ME1: variants seen among roughly 807,000 people sequenced by gnomAD.
ME1 encodes the protein malic enzyme 1.
Under a neutral mutation model 66.4 loss-of-function variants are expected in ME1, and 74 were observed. The observed-to-expected ratio is 1.11, with a 90% CI of 0.92 to 1.35. ME1 has a LOEUF of 1.35. Among genes scored for constraint, ME1 ranks in the 40% most tolerant of loss-of-function variants. ME1 has a pLI of 0.00. For missense variants in ME1, 750 were observed against 694.1 expected (o/e 1.08, Z -0.90); for synonymous variants, 251 against 235.6 (o/e 1.07, Z -0.60).
chr6:83,361,540 T>C (rs996717433), intron 3 of ME1, among the ~76,000 whole-genome samples: 8 of 152,230 alleles, frequency 5.3e-5, no homozygotes, highest in Non-Finnish European at 1.5e-5. Flanking sequence ...CCAATGGTGC[T>C]TGAAGTGTCA....
chr6:83,359,495 T>C (rs577228442), intron 3 of ME1, among the ~76,000 whole-genome samples: 6 of 152,286 alleles, frequency 3.9e-5, no homozygotes, highest in African/African-American at 1.4e-4. Context: ...TTGGGGCCAC[T>C]AAATAGGAAC....
chr6:83,276,052 C>G (rs1261296827), intron 6 of ME1, among the ~76,000 whole-genome samples: 1 of 151,688 alleles, frequency 6.6e-6, no homozygotes, highest in Non-Finnish European at 1.5e-5. Flanking sequence ...TTATAGGTGT[C>G]AGCCACCGCG....
At chr6:83,414,577 T>C (rs1227811993) in intron 1 of ME1, among the ~76,000 whole-genome samples, 1 of 152,140 alleles carries the variant, frequency 6.6e-6, no homozygotes, top group Non-Finnish European at 1.5e-5. Context: ...AGTGTAACAA[T>C]TTTGTGATTT....
chr6:83,317,906 A>G (rs1309965146), intron 5 of ME1, among the ~76,000 whole-genome samples: 13 of 152,094 alleles, frequency 8.5e-5, no homozygotes, highest in Non-Finnish European at 1.6e-4. Context: ...AAACTATACT[A>G]CAAGGCTACA....
At chr6:83,417,979 C>G (rs944308678) in intron 1 of ME1, among the ~76,000 whole-genome samples, 3 of 152,100 alleles carry the variant, frequency 2.0e-5, no homozygotes. Context: ...AACTTTTGTG[C>G]CTTTGGCACA....
chr6:83,235,105 T>A (rs1249193957), intron 9 of ME1, among the ~76,000 whole-genome samples: 1 of 152,216 alleles, frequency 6.6e-6, no homozygotes, highest in Non-Finnish European at 1.5e-5. Flanking sequence ...AGACCCTAGA[T>A]AAACTCCTAA....
chr6:83,315,312 G>A lies in ME1; in HGVS notation c.702C>T (p.Ser234=). ...FLDEFMEAVS[S]KYGMNCLIQF... is the part of the protein sequence containing the mutation. ...ATAGGTTAAATAAAGATACATACTT[G>A]GAAGAAACTGCCTCCATGAATTCGT... Residue 234 remains serine, a splice_region_variant and synonymous_variant, in exon 6 of 14, where the codon TCC becomes TCT. Coordinates refer to ENST00000369705, the MANE Select transcript of ME1 (RefSeq NM_002395.6). 2.5e-6 allele frequency: 4 copies of A among 1,579,256 alleles called. No homozygotes were observed. The highest frequency in any genetic ancestry group is 3.5e-6 in the Non-Finnish European group (4 of 1,151,320).
chr6:83,420,356 C>T (rs1770241111), intron 1 of ME1, among the ~76,000 whole-genome samples: 1 of 152,210 alleles, frequency 6.6e-6, no homozygotes, highest in Non-Finnish European at 1.5e-5. Flanking sequence ...GCATAAGCCA[C>T]TGCGCCCAGT....
At chr6:83,326,638 A>T (rs1768297608) in intron 5 of ME1, among the ~76,000 whole-genome samples, 1 of 152,228 alleles carries the variant, frequency 6.6e-6, no homozygotes, top group African/African-American at 2.4e-5. Context: ...AAAAAAGCTC[A>T]TCATCACTGG....
At chr6:83,240,318 T>C (rs1790488698) in intron 7 of ME1, among the ~76,000 whole-genome samples, 1 of 152,090 alleles carries the variant, frequency 6.6e-6, no homozygotes, top group Non-Finnish European at 1.5e-5. Context: ...AAAATCTAAT[T>C]ATATTGTATC....
intron 1 of ME1, among the ~76,000 whole-genome samples, chr6:83,411,313 G>A (rs1279730383): frequency 6.6e-6 from 1 of 151,750 alleles, no homozygotes; most frequent in East Asian, 1.9e-4. Context: ...GCAGTGAGCC[G>A]AGATTGCGCC....
chr6:83,322,497 T>C (rs1464749955), intron 5 of ME1, among the ~76,000 whole-genome samples: 1 of 151,896 alleles, frequency 6.6e-6, no homozygotes, highest in African/African-American at 2.4e-5. Context: ...GCACAAGAAC[T>C]TCATGAAGCA....
chr6:83,396,521 A>AATAT (rs1387895869), intron 3 of ME1, among the ~76,000 whole-genome samples: 1 of 152,204 alleles, frequency 6.6e-6, no homozygotes, highest in Non-Finnish European at 1.5e-5. Flanking sequence ...TGGAAGAATT[A>AATAT]ATATTGTTAA....
chr6:83,392,978 T>A (rs919840477), intron 3 of ME1: 4 of 866,488 alleles, frequency 4.6e-6, no homozygotes, highest in African/African-American at 1.6e-5. Context: ...ATGGCTCCTA[T>A]GGGAAACTGT....
chr6:83,273,435 T>C (rs529388472), intron 6 of ME1, among the ~76,000 whole-genome samples: 75 of 152,256 alleles, frequency 4.9e-4, no homozygotes, highest in African/African-American at 1.7e-3. Flanking sequence ...TTAAAAACTT[T>C]TAAATAAAGT....
chr6:83,240,099 CCTTCACACAAAGAAGG>C (rs1231469646), intron 7 of ME1, among the ~76,000 whole-genome samples: 4 of 151,946 alleles, frequency 2.6e-5, no homozygotes, highest in Non-Finnish European at 5.9e-5. Context: ...TTAATGATCC[CCTTCACACAAAGAAGG>C]CTTCACACAA....
intron 5 of ME1, among the ~76,000 whole-genome samples, chr6:83,329,059 T>G (rs1768356189): frequency 6.6e-6 from 1 of 152,208 alleles, no homozygotes; most frequent in African/African-American, 2.4e-5. Context: ...AATCTCACCT[T>G]GTTTTTGTCT....
chr6:83,382,110 C>T (rs1769413866), intron 3 of ME1, among the ~76,000 whole-genome samples: 1 of 152,040 alleles, frequency 6.6e-6, no homozygotes. Context: ...TCCTTACAGG[C>T]ACTTCCCTAA....
intron 6 of ME1, among the ~76,000 whole-genome samples, chr6:83,293,203 C>A (rs933766560): frequency 4.6e-5 from 7 of 152,290 alleles, no homozygotes; most frequent in African/African-American, 1.7e-4. Flanking sequence ...GTTGGAAATG[C>A]AGAAATCACC....
Sources: allele counts gnomAD v4.1 joint callset (sites outside exome capture counted in the v4.1 genomes callset), GRCh38; gene constraint gnomAD v4.1.1; transcripts MANE v1.5; gene names NCBI Gene and HGNC (gene_info 2026-07-23, HGNC 2026-07-21).